The following CDHR3 variants were observed in gnomAD, a reference collection of about 807,000 sequenced individuals.
CDHR3 encodes the protein cadherin-related family member 3.
Under a neutral mutation model 86.6 loss-of-function variants are expected in CDHR3, and 79 were observed. The observed-to-expected ratio is 0.91, with a 90% CI of 0.76 to 1.10. The LOEUF (loss-of-function observed/expected upper bound fraction) is 1.10, where lower values mean the gene tolerates loss of function less well. Among genes scored for constraint, CDHR3 ranks in the 50% least tolerant of loss-of-function variants. The probability of loss-of-function intolerance (pLI) is 0.00; values close to 1 mark genes in which losing one functional copy is unlikely to be tolerated. For synonymous variants in CDHR3, 421 were observed against 402.4 expected, an observed-to-expected ratio of 1.05 and a Z score of -0.55; for missense variants, 1,081 against 1,077.6, an observed-to-expected ratio of 1.00 and a Z score of -0.04.
At chr7:106,004,885 C>T (rs1833730096) in intron 8 of CDHR3, 198 bp downstream of exon 8, 9 of 596,198 alleles carry the variant, frequency 1.5e-5, no homozygotes, top group Non-Finnish European at 2.6e-5. Context: ...TTTCATTTTC[C>T]TTCTTCATTA....
intron 12 of CDHR3, 87 bp from the exon 13 acceptor site, chr7:106,020,284 GAA>G (rs1836361982): frequency 1.8e-6 from 2 of 1,129,296 alleles, no homozygotes; most frequent in Middle Eastern, 2.1e-4. Context: ...GCTAATTTAT[GAA>G]AAGTGCTTAG....
In CDHR3 at chr7:106,015,113, G is replaced by C. The variant is rs1304672121; in HGVS notation, c.1227G>C (p.Leu409=). The part of the protein sequence containing the change: ...QDPAGSGKIV[L]IGDLDYENPS... ...CTACTATCTCTGTTTTAATCTAGCTGATTGGTGATCTAGACTACGAAAATC... is the reference window on the plus strand; with the variant it reads ...CTACTATCTCTGTTTTAATCTAGCTCATTGGTGATCTAGACTACGAAAATC... Residue 409 remains leucine, a splice_region_variant and synonymous_variant, in exon 10 of 19, where the codon CTG becomes CTC. Transcript: ENST00000317716. 9 of 1,601,332 alleles carry C rather than the reference G, an allele frequency of 5.6e-6. No homozygotes were observed. The highest frequency in any genetic ancestry group is 7.7e-6 in the Non-Finnish European group (9 of 1,173,056).
rs745382039 is a variant in CDHR3, at chr7:105,994,889, G to A, written c.608+44G>A. The A allele has an allele frequency of 4.7e-6, 7 of 1,489,664 alleles. No individual in the cohort carries two copies. The African/African-American group carries it at 6.9e-5, about 15-fold the overall frequency. 92.3% of individuals were successfully genotyped at this position (1,489,664 alleles called of 1,614,324 possible). ...TTGCATGAAGTACTGTTTATCTGAG[G>A]GTCAAGGAAAACATGAGGGATAGGT... On this transcript the variant is annotated intron_variant, in intron 5 of 18. Transcript: ENST00000317716.
chr7:105,979,948 C>A (rs185724969), intron 2 of CDHR3, among the ~76,000 whole-genome samples: 1 of 152,102 alleles, frequency 6.6e-6, no homozygotes, highest in South Asian at 2.1e-4. Flanking sequence ...TCAGCAGGAC[C>A]CTCCCAACAC....
intron 4 of CDHR3, among the ~76,000 whole-genome samples, chr7:105,993,953 C>T (rs894703528): frequency 2.0e-5 from 3 of 152,210 alleles, no homozygotes; most frequent in South Asian, 2.1e-4. Context: ...GACAAAGACT[C>T]TCAACTACCC....
rs1836668997 is a variant in CDHR3, at chr7:106,022,192, A to G, written c.1826-6A>G. 1.2e-6 allele frequency: 2 copies of G among 1,613,444 alleles called. No individual in the cohort carries two copies. Among genetic ancestry groups the G allele is most frequent in the African/African-American group, 1.3e-5 (1 of 74,884 alleles). ...TACCAACACCCCTGCATCAAATCTC[A>G]TTTAGGTAACGTCAACAATCATTTC... On this transcript the variant is annotated splice_region_variant and splice_polypyrimidine_tract_variant and intron_variant, in intron 13 of 18. Transcript: ENST00000317716.
At chr7:105,982,512 G>A (rs2115685387) in intron 3 of CDHR3, among the ~76,000 whole-genome samples, 1 of 150,472 alleles carries the variant, frequency 6.6e-6, no homozygotes, top group Admixed American at 6.6e-5. Flanking sequence ...ATTAAATCTG[G>A]CAAGCTGCCT....
At chr7:106,020,301 A>G in intron 12 of CDHR3, 72 bp from the exon 13 acceptor site, 1 of 1,327,654 alleles carries the variant, frequency 7.5e-7, no homozygotes, top group Non-Finnish European at 1.0e-6. Context: ...GCTTAGCCTG[A>G]AAACTGCCTA....
chr7:106,020,609 G>C (rs1215457953), intron 13 of CDHR3, 65 bp downstream of exon 13: 2 of 1,539,494 alleles, frequency 1.3e-6, no homozygotes, highest in Admixed American at 3.8e-5. Flanking sequence ...TCTAGGGTAG[G>C]GGTCTGTGCT....
Position 106,024,404 on chromosome 7 carries a change from G to A in CDHR3, c.2100G>A (p.Leu700=), listed in dbSNP as rs141787240. ...AGCCCAGGGTCACCTATCAGGTCCT[G>A]AGGAAAAACGTTTACTCTCCATCTG... ...TPRPRVTYQV[L]RKNVYSPSAW... Residue 700 remains leucine (L), a synonymous_variant, in exon 15 of 19, where the codon CTG becomes CTA. Coordinates refer to ENST00000317716, the MANE Select transcript of CDHR3 (RefSeq NM_152750.5). 4.4e-5 allele frequency: 71 copies of A among 1,613,976 alleles called. No homozygotes were observed. The highest frequency in any genetic ancestry group is 5.9e-5 in the Non-Finnish European group (70 of 1,179,886).
At chr7:105,991,627 T>C (rs1277960996) in intron 4 of CDHR3, among the ~76,000 whole-genome samples, 1 of 152,322 alleles carries the variant, frequency 6.6e-6, no homozygotes, top group African/African-American at 2.4e-5. Flanking sequence ...TACAGGATGG[T>C]TTTTTGTTGT....
At chr7:106,014,261 T>A (rs1178796803) in intron 9 of CDHR3, among the ~76,000 whole-genome samples, 1 of 152,178 alleles carries the variant, frequency 6.6e-6, no homozygotes, top group East Asian at 1.9e-4. Context: ...GATACAGTAG[T>A]GCTCCCTTAT....
chr7:106,004,892 A>T, intron 8 of CDHR3: 1 of 590,106 alleles, frequency 1.7e-6, no homozygotes, highest in South Asian at 2.2e-5. Flanking sequence ...TTCCTTCTTC[A>T]TTATCTCCCT....
chr7:105,995,944 T>C (rs913165900), intron 5 of CDHR3, among the ~76,000 whole-genome samples: 1 of 152,122 alleles, frequency 6.6e-6, no homozygotes, highest in African/African-American at 2.4e-5. Context: ...GGGAGTGATA[T>C]GCACTTTCCA....
intron 16 of CDHR3, 31 bp from the exon 17 acceptor site, chr7:106,028,520 G>A (rs371102396): frequency 5.6e-6 from 9 of 1,613,810 alleles, no homozygotes; most frequent in Non-Finnish European, 7.6e-6. Flanking sequence ...CACCCAAGAA[G>A]CTTAACTTCT....
chr7:106,011,819 T>C (rs1834854329), intron 8 of CDHR3, among the ~76,000 whole-genome samples: 1 of 152,158 alleles, frequency 6.6e-6, no homozygotes, highest in African/African-American at 2.4e-5. Context: ...AGTTTGGGGG[T>C]AGCTTTACTC....
At chr7:106,006,347 A>C (rs1397753475) in intron 8 of CDHR3, among the ~76,000 whole-genome samples, 1 of 152,176 alleles carries the variant, frequency 6.6e-6, no homozygotes. Context: ...CCTTCCCAAC[A>C]GTCATCCAAA....
intron 10 of CDHR3, among the ~76,000 whole-genome samples, chr7:106,015,480 A>G (rs1202674809): frequency 6.6e-6 from 1 of 152,052 alleles, no homozygotes; most frequent in Non-Finnish European, 1.5e-5. Context: ...TTGGCATACA[A>G]GATTTTTCAC....
intron 13 of CDHR3, 46 bp downstream of exon 13, chr7:106,020,590 C>T (rs755542628): frequency 5.1e-6 from 8 of 1,578,754 alleles, no homozygotes; most frequent in Non-Finnish European, 3.4e-6. Context: ...TCTGAGGACC[C>T]TGAAGTTGTC....
Sources: gnomAD v4.1 joint callset for allele counts (sites outside exome capture counted in the v4.1 genomes callset) on GRCh38, gnomAD v4.1.1 for gene constraint, MANE v1.5 for transcripts, NCBI Gene and HGNC (gene_info 2026-07-23, HGNC 2026-07-21) for gene names.